Variants in ZMYM2 observed in about 807,000 individuals in gnomAD.
The protein encoded by ZMYM2 is zinc finger MYM-type protein 2.
In ZMYM2, 56 loss-of-function variants were observed where a neutral mutation model predicts 162.8. That is an observed-to-expected ratio of 0.34 (90% CI 0.28 to 0.43). ZMYM2 has a LOEUF of 0.43. Ranked by LOEUF, ZMYM2 falls within the 20% of genes least tolerant of loss-of-function variation. The pLI is 1.00. For missense variants in ZMYM2, 1,275 were observed against 1,621.8 expected (o/e 0.79, Z 3.67); for synonymous variants, 510 against 541.6 (o/e 0.94, Z 0.81).
chr13:19,961,754 A>G (rs1016927903), intron 2 of ZMYM2, among the ~76,000 whole-genome samples: 1 of 152,234 alleles, frequency 6.6e-6, no homozygotes, highest in Non-Finnish European at 1.5e-5. Flanking sequence ...TGTTTTGCTT[A>G]ACGATTTAGC....
chr13:20,080,851 C>A (rs1957863036), intron 21 of ZMYM2, among the ~76,000 whole-genome samples: 1 of 152,058 alleles, frequency 6.6e-6, no homozygotes, highest in Non-Finnish European at 1.5e-5. Context: ...AATAAAGGAC[C>A]AAATGGTACA....
At chr13:19,969,463 T>C (rs1409599532) in intron 2 of ZMYM2, among the ~76,000 whole-genome samples, 1 of 152,224 alleles carries the variant, frequency 6.6e-6, no homozygotes, top group Non-Finnish European at 1.5e-5. Flanking sequence ...GGTCGTAATA[T>C]AGTATAAGGT....
At chr13:19,978,788 G>A (rs188903453) in intron 2 of ZMYM2, among the ~76,000 whole-genome samples, 42 of 152,116 alleles carry the variant, frequency 2.8e-4, no homozygotes, top group African/African-American at 7.7e-4. Flanking sequence ...GTACATTACC[G>A]CTGACTTTTC....
chr13:19,955,261 G>A (rs1593979075), upstream of ZMYM2, among the ~76,000 whole-genome samples: 1 of 152,034 alleles, frequency 6.6e-6, no homozygotes, highest in Non-Finnish European at 1.5e-5. Context: ...ATTGAGTCAA[G>A]TATGAATGAT....
intron 7 of ZMYM2, among the ~76,000 whole-genome samples, chr13:20,022,648 A>G (rs1403195944): frequency 1.3e-5 from 2 of 152,352 alleles, no homozygotes; most frequent in South Asian, 2.1e-4. Flanking sequence ...ATGATGGTAT[A>G]TACATTTTTA....
At chr13:19,883,708 T>C in the ZMYM2 span, among the ~76,000 whole-genome samples, 2 of 152,210 alleles carry the variant, frequency 1.3e-5, no homozygotes, top group Admixed American at 1.3e-4. Context: ...TAAACATGTG[T>C]AAGACAGACT....
intron 17 of ZMYM2, among the ~76,000 whole-genome samples, chr13:20,062,281 G>A (rs958975025): frequency 6.6e-6 from 1 of 152,084 alleles, no homozygotes; most frequent in Non-Finnish European, 1.5e-5. Flanking sequence ...TCATAGAAAG[G>A]GTAAGTATTA....
intron 2 of ZMYM2, among the ~76,000 whole-genome samples, chr13:19,992,324 C>T (rs188885719): frequency 2.6e-5 from 4 of 152,188 alleles, no homozygotes; most frequent in Non-Finnish European, 4.4e-5. Flanking sequence ...AGGCTGAGGC[C>T]GAGTTCAGGG....
rs541740057 is a variant in ZMYM2, at chr13:19,964,833, T to C, written c.-11+4807T>C. 2.6e-5 allele frequency among the ~76,000 whole-genome samples: 4 copies of C among 152,278 alleles called. No individual in the cohort carries two copies. The East Asian group carries it at 7.7e-4, about 29-fold the overall frequency. On this transcript the variant is annotated intron_variant, in intron 2 of 24. Coordinates refer to ENST00000610343, the MANE Select transcript of ZMYM2 (RefSeq NM_197968.4). ...ATTTATCCATAAAAATGTTTTTTTA[T>C]ATTACAAGTTAATGTTAAATTGTAA...
the ZMYM2 span, among the ~76,000 whole-genome samples, chr13:19,888,985 A>G: frequency 6.6e-6 from 1 of 152,008 alleles, no homozygotes; most frequent in Non-Finnish European, 1.5e-5. Flanking sequence ...TTACAGATCT[A>G]TAGTGCCACC....
In ZMYM2 at chr13:20,047,275, A is replaced by AC. The variant is rs200299835; in HGVS notation, c.2293-4151dup. Among the ~76,000 whole-genome samples the AC allele has an allele frequency of 1.4e-3, 215 of 151,936 alleles. 3 individuals are homozygous for AC. In the East Asian group the frequency reaches 0.034, roughly 24 times the overall value. The stretch of plus-strand genomic sequence containing the variant: ...CTTGAGTCAGACTGTATTTTCTTAT[A>AC]CCCCCCCATGCATTCCTTCTATTCA... On this transcript the variant is annotated intron_variant, in intron 12 of 24. Transcript: ENST00000610343.
At chr13:19,896,733 A>T in the ZMYM2 span, among the ~76,000 whole-genome samples, 76 of 103,932 alleles carry the variant, frequency 7.3e-4, no homozygotes, top group African/African-American at 3.6e-3. Context: ...CTCCAGCCTG[A>T]CAGAGTGACA....
At chr13:19,908,455 G>T in the ZMYM2 span, among the ~76,000 whole-genome samples, 5 of 152,126 alleles carry the variant, frequency 3.3e-5, no homozygotes, top group African/African-American at 1.2e-4. Context: ...TTGCTTGGAT[G>T]GTGGTATTTT....
intron 23 of ZMYM2, 164 bp from the exon 24 acceptor site, chr13:20,083,492 G>A: frequency 1.7e-6 from 1 of 605,856 alleles, no homozygotes; most frequent in Non-Finnish European, 2.8e-6. Context: ...GTCTTAAGAT[G>A]TCTCAGTTCC....
the ZMYM2 span, among the ~76,000 whole-genome samples, chr13:19,885,560 C>A: frequency 6.6e-6 from 1 of 152,176 alleles, no homozygotes; most frequent in East Asian, 1.9e-4. Flanking sequence ...GTATTTTAGG[C>A]TGGGTGCAGT....
chr13:20,001,208 A>G (rs561306958), intron 3 of ZMYM2, among the ~76,000 whole-genome samples: 1 of 152,250 alleles, frequency 6.6e-6, no homozygotes, highest in Non-Finnish European at 1.5e-5. Context: ...CCTGGCCAAC[A>G]TGGTGAAACC....
At chr13:20,079,309 T>A (rs1957741414) in intron 21 of ZMYM2, among the ~76,000 whole-genome samples, 1 of 85,408 alleles carries the variant, frequency 1.2e-5, no homozygotes, top group Non-Finnish European at 2.0e-5. Context: ...AGAGTAAGAC[T>A]CTGTCTCAAA....
chr13:19,924,878 C>CTTTTTTTTTTTTTTTTTTTTT, the ZMYM2 span, among the ~76,000 whole-genome samples: 1 of 136,772 alleles, frequency 7.3e-6, no homozygotes, highest in Non-Finnish European at 1.6e-5. Context: ...TTTATTGAAA[C>CTTTTTTTTTTTTTTTTTTTTT]TTTTTTTTTT....
At chr13:19,915,864 C>CTTT in the ZMYM2 span, among the ~76,000 whole-genome samples, 1 of 143,944 alleles carries the variant, frequency 6.9e-6, no homozygotes, top group East Asian at 2.1e-4. Context: ...TGAAATGACA[C>CTTT]TTTTTTTTTT....
Sources: allele counts gnomAD v4.1 joint callset (sites outside exome capture counted in the v4.1 genomes callset), GRCh38; gene constraint gnomAD v4.1.1; transcripts MANE v1.5; gene names NCBI Gene and HGNC (gene_info 2026-07-23, HGNC 2026-07-21).